Variants in TAOK3 observed in about 807,000 individuals in gnomAD.
TAOK3 encodes the protein serine/threonine-protein kinase TAO3.
TAOK3 carries 40 observed loss-of-function variants against 120.4 expected under a neutral mutation model. The observed-to-expected ratio is 0.33, with a 90% CI of 0.26 to 0.43. The LOEUF (loss-of-function observed/expected upper bound fraction) is 0.43. Among genes scored for constraint, TAOK3 ranks in the 20% least tolerant of loss-of-function variants. The pLI is 1.00. For synonymous variants in TAOK3, 355 were observed against 387.5 expected (o/e 0.92, Z 0.99); for missense variants, 821 against 1,112.1 (o/e 0.74, Z 3.72).
At chr12:118,162,267 T>C (rs564193553) in intron 17 of TAOK3, among the ~76,000 whole-genome samples, 3 of 152,322 alleles carry the variant, frequency 2.0e-5, no homozygotes, top group African/African-American at 7.2e-5. Flanking sequence ...CTGTACTCTC[T>C]GTAAAATGGG....
At chr12:118,211,607 AT>A (rs1452334007) in intron 11 of TAOK3, among the ~76,000 whole-genome samples, 1 of 100,876 alleles carries the variant, frequency 9.9e-6, no homozygotes, top group African/African-American at 3.8e-5. Context: ...ATTTATTCAT[AT>A]TTTCCTTTTT....
intron 5 of TAOK3, among the ~76,000 whole-genome samples, chr12:118,240,230 A>G (rs1204864578): frequency 7.2e-6 from 1 of 138,098 alleles, no homozygotes; most frequent in East Asian, 2.1e-4. Context: ...CCCAGGCTGG[A>G]GTGCAATGGC....
At chr12:118,361,234 C>T (rs1247035915) in intron 1 of TAOK3, among the ~76,000 whole-genome samples, 6 of 152,128 alleles carry the variant, frequency 3.9e-5, no homozygotes, top group Non-Finnish European at 8.8e-5. Flanking sequence ...CAAGCTTCCA[C>T]TAGACTTCGT....
intron 9 of TAOK3, among the ~76,000 whole-genome samples, chr12:118,233,250 T>A (rs1391222462): frequency 1.2e-5 from 1 of 80,010 alleles, no homozygotes; most frequent in African/African-American, 5.1e-5. Context: ...CGGGGCCTGT[T>A]GTGGGGTGGG....
intron 1 of TAOK3, among the ~76,000 whole-genome samples, chr12:118,358,222 T>C (rs1383133944): frequency 6.6e-6 from 1 of 152,222 alleles, no homozygotes; most frequent in African/African-American, 2.4e-5. Context: ...TTATGGACTA[T>C]AGTAGTCACA....
At chr12:118,180,418 T>G (rs7956203) in intron 15 of TAOK3, among the ~76,000 whole-genome samples, 4,613 of 151,982 alleles carry the variant, frequency 0.03, 204 homozygotes, top group African/African-American at 0.095. Flanking sequence ...CTTTTGTATT[T>G]TTTGTGGAGA....
chr12:118,206,340 A>T (rs2038310107), intron 11 of TAOK3, among the ~76,000 whole-genome samples: 1 of 152,214 alleles, frequency 6.6e-6, no homozygotes, highest in Non-Finnish European at 1.5e-5. Context: ...ATAAACTCTT[A>T]CCTGTTTAAA....
intron 11 of TAOK3, among the ~76,000 whole-genome samples, chr12:118,206,690 G>A (rs761481007): frequency 2.6e-5 from 4 of 151,844 alleles, no homozygotes; most frequent in Non-Finnish European, 4.4e-5. Context: ...TCCACCTCCC[G>A]GGTTCAAGCA....
At chr12:118,264,167 A>C (rs964293700) in intron 2 of TAOK3, among the ~76,000 whole-genome samples, 2 of 152,232 alleles carry the variant, frequency 1.3e-5, no homozygotes, top group Non-Finnish European at 2.9e-5. Flanking sequence ...TTTGGAAAAC[A>C]TTGGGCAGTT....
At chr12:118,332,207 C>G (rs1380315429) in intron 1 of TAOK3, among the ~76,000 whole-genome samples, 1 of 152,162 alleles carries the variant, frequency 6.6e-6, no homozygotes, top group Non-Finnish European at 1.5e-5. Context: ...CTAATTGTTT[C>G]TTTCTTAAGA....
intron 19 of TAOK3, among the ~76,000 whole-genome samples, chr12:118,159,134 C>T (rs930430676): frequency 4.7e-4 from 71 of 152,086 alleles, no homozygotes; most frequent in African/African-American, 1.6e-3. Context: ...TTTCTGTCTC[C>T]ATATATTTTC....
intron 9 of TAOK3, among the ~76,000 whole-genome samples, chr12:118,214,481 T>C (rs1214420795): frequency 1.3e-5 from 2 of 152,100 alleles, no homozygotes; most frequent in Non-Finnish European, 2.9e-5. Flanking sequence ...GTCTGGGTAT[T>C]TGGTGAAAAA....
chr12:118,351,952 C>T (rs1299487369), intron 1 of TAOK3, among the ~76,000 whole-genome samples: 1 of 146,702 alleles, frequency 6.8e-6, no homozygotes, highest in Non-Finnish European at 1.5e-5. Context: ...TGGCTCACTC[C>T]AAGCTCCGCC....
chr12:118,223,531 A>G (rs2039353232), intron 9 of TAOK3, among the ~76,000 whole-genome samples: 1 of 150,220 alleles, frequency 6.7e-6, no homozygotes, highest in Admixed American at 6.6e-5. Context: ...TATTTTTAGT[A>G]GAGACGGGGT....
rs541500878 is a variant in TAOK3, at chr12:118,181,747, C to T, written c.1330-140G>A. 53 of 694,358 alleles carry T rather than the reference C, an allele frequency of 7.6e-5. 1 individual carries two copies. The highest frequency in any genetic ancestry group is 3.5e-4 in the South Asian group (20 of 57,820). 43.0% of individuals were successfully genotyped at this position (694,358 alleles called of 1,614,324 possible). On this transcript the variant is annotated intron_variant, in intron 14 of 20. Transcript: ENST00000392533. The stretch of plus-strand genomic sequence containing the variant: ...ACCTACTGTTTAGTGAATGCTCACC[C>T]GTAGGGGGCACTGTGCTAGATAGAT...
chr12:118,300,812 A>G (rs1014738665), intron 1 of TAOK3, among the ~76,000 whole-genome samples: 3 of 151,232 alleles, frequency 2.0e-5, no homozygotes, highest in African/African-American at 4.9e-5. Flanking sequence ...GTCTTGCTCT[A>G]TTGTCCAGGC....
intron 2 of TAOK3, among the ~76,000 whole-genome samples, chr12:118,263,636 TTAATAA>T (rs1261872009): frequency 1.3e-5 from 2 of 152,222 alleles, no homozygotes; most frequent in East Asian, 3.9e-4. Context: ...TTGTCAAAAC[TTAATAA>T]TAAGAAAATA....
At chr12:118,360,938 G>T (rs888778787) in intron 1 of TAOK3, among the ~76,000 whole-genome samples, 57 of 152,258 alleles carry the variant, frequency 3.7e-4, no homozygotes, top group African/African-American at 1.4e-3. Flanking sequence ...GGAGGTAAAG[G>T]CATATGTTCC....
rs919642408 is a variant in TAOK3, at chr12:118,371,867, G to A, written c.-194+781C>T. 3.3e-5 allele frequency among the ~76,000 whole-genome samples: 5 copies of A among 151,944 alleles called. No individual in the cohort carries two copies. Among genetic ancestry groups the A allele is most frequent in the Admixed American group, 1.3e-4 (2 of 15,288 alleles). ...TCGGAGTCCCACGCTCGCATGCGCT[G>A]TCCCGAGCCCTCTGGGGGTCCCCTC... On this transcript the variant is annotated intron_variant, in intron 1 of 20. Coordinates refer to ENST00000392533, the MANE Select transcript of TAOK3 (RefSeq NM_016281.4). This position sits in a 1 kb window ranked among gnomAD's most constrained non-coding sequence, Gnocchi z 5.5.
Sources: gnomAD v4.1 joint callset for allele counts (sites outside exome capture counted in the v4.1 genomes callset) on GRCh38, gnomAD v4.1.1 for gene constraint, Gnocchi (gnomAD v3.1) non-coding constraint, MANE v1.5 for transcripts, NCBI Gene and HGNC (gene_info 2026-07-23, HGNC 2026-07-21) for gene names.